The following ANKFN1 variants were observed in gnomAD, a reference collection of about 807,000 sequenced individuals.
The protein encoded by ANKFN1 is ankyrin repeat and fibronectin type-III domain-containing protein 1.
In ANKFN1, 74 loss-of-function variants were observed where a neutral mutation model predicts 108.7. The observed-to-expected ratio is 0.68, with a 90% CI of 0.56 to 0.83. The LOEUF (loss-of-function observed/expected upper bound fraction) is 0.83. Among genes scored for constraint, ANKFN1 ranks in the 40% least tolerant of loss-of-function variants. The probability of loss-of-function intolerance (pLI) is 0.00; values close to 1 mark genes in which losing one functional copy is unlikely to be tolerated. For synonymous variants in ANKFN1, 547 were observed against 516.2 expected, an observed-to-expected ratio of 1.06 and a Z score of -0.81; for missense variants, 1,505 against 1,382.3, an observed-to-expected ratio of 1.09 and a Z score of -1.41.
At chr17:56,455,206 T>A (rs1332772553) in intron 11 of ANKFN1, among the ~76,000 whole-genome samples, 1 of 152,100 alleles carries the variant, frequency 6.6e-6, no homozygotes, top group African/African-American at 2.4e-5. Context: ...TCCTTTCCCA[T>A]CTCTTTGTCT....
intron 2 of ANKFN1, 44 bp from the exon 3 acceptor site, chr17:56,227,873 A>G (rs1345411448): frequency 6.6e-7 from 1 of 1,510,428 alleles, no homozygotes; most frequent in Non-Finnish European, 9.1e-7. Flanking sequence ...TGAATTGATT[A>G]CTGTACAATT....
At chr17:56,058,233 C>T (rs1904914251) in intron 4 of ANKFN1, among the ~76,000 whole-genome samples, 1 of 152,242 alleles carries the variant, frequency 6.6e-6, no homozygotes, top group Middle Eastern at 3.2e-3. Context: ...GACTTCTCCT[C>T]TCTAACTATG....
intron 3 of ANKFN1, among the ~76,000 whole-genome samples, chr17:56,288,746 C>G (rs1244352771): frequency 1.3e-5 from 2 of 152,100 alleles, no homozygotes; most frequent in African/African-American, 2.4e-5. Context: ...AGTAGACTCC[C>G]CAAAAAGGTC....
At chr17:56,370,509 G>A (rs1201758772) in intron 6 of ANKFN1, among the ~76,000 whole-genome samples, 1 of 152,090 alleles carries the variant, frequency 6.6e-6, no homozygotes, top group East Asian at 1.9e-4. Context: ...AAGTGTTGAC[G>A]CATGCATGCA....
At position 56,480,885 on chromosome 17, in the gene ANKFN1, TGG is replaced by T. The variant is rs1165243097; in HGVS notation, c.2091+70_2091+71del. 96 of 1,426,238 alleles carry T rather than the reference TGG, an allele frequency of 6.7e-5. 2 individuals carry two copies. The South Asian group carries it at 1.1e-3, about 16-fold the overall frequency. 88.3% of individuals were successfully genotyped at this position (1,426,238 alleles called of 1,614,324 possible). A position where few individuals can be genotyped will look rare whatever the true frequency, so the allele number is the denominator to read the frequency against. ...ATGGAAACTGCATTGTAACATTAAGTGGGGTGTGTGTGTGTGTGTGTGTGTGT... is the reference window on the plus strand; with the variant it reads ...ATGGAAACTGCATTGTAACATTAAGTGGTGTGTGTGTGTGTGTGTGTGTGT... On this transcript the variant is annotated intron_variant, in intron 17 of 20. Coordinates refer to ENST00000682825, the MANE Select transcript of ANKFN1 (RefSeq NM_001370326.1).
At chr17:56,440,220 T>A (rs1270979401) in intron 8 of ANKFN1, 107 bp from the exon 9 acceptor site, 1 of 518,082 alleles carries the variant, frequency 1.9e-6, no homozygotes, top group Non-Finnish European at 3.4e-6. Context: ...TGCACTTAAC[T>A]CTTTCTGAGA....
At chr17:56,141,923 CT>C (rs34394014) in intron 4 of ANKFN1, among the ~76,000 whole-genome samples, 2,348 of 95,644 alleles carry the variant, frequency 0.025, 9 homozygotes, top group African/African-American at 0.078. Flanking sequence ...CGATGGTGTA[CT>C]TTTTTTTTTT....
At chr17:56,279,456 T>C (rs573817559) in intron 3 of ANKFN1, among the ~76,000 whole-genome samples, 26 of 152,242 alleles carry the variant, frequency 1.7e-4, no homozygotes, top group Non-Finnish European at 3.2e-4. Flanking sequence ...TCAGGCTTCA[T>C]AGAGCTTCTT....
chr17:56,196,035 G>A (rs1005000618), intron 1 of ANKFN1, among the ~76,000 whole-genome samples: 1 of 152,182 alleles, frequency 6.6e-6, no homozygotes, highest in African/African-American at 2.4e-5. Flanking sequence ...GGAAGGCTGA[G>A]GCAGGAGGAT....
chr17:56,155,159 G>A (rs1353010178), intron 1 of ANKFN1, among the ~76,000 whole-genome samples: 1 of 152,162 alleles, frequency 6.6e-6, no homozygotes, highest in Non-Finnish European at 1.5e-5. Flanking sequence ...CTCAGAGACT[G>A]GAAGCTGGAA....
At chr17:56,436,313 A>G (rs2048927254) in intron 8 of ANKFN1, among the ~76,000 whole-genome samples, 1 of 152,208 alleles carries the variant, frequency 6.6e-6, no homozygotes, top group Non-Finnish European at 1.5e-5. Flanking sequence ...CTTTCTTGCT[A>G]ATTTTCAACT....
chr17:56,243,014 T>C (rs1917702992), intron 3 of ANKFN1, among the ~76,000 whole-genome samples: 1 of 152,158 alleles, frequency 6.6e-6, no homozygotes, highest in African/African-American at 2.4e-5. Context: ...TGGCATAAAC[T>C]CTACTTGGTA....
At chr17:56,048,061 G>T (rs1387707606) in intron 4 of ANKFN1, among the ~76,000 whole-genome samples, 2 of 152,124 alleles carry the variant, frequency 1.3e-5, no homozygotes, top group Non-Finnish European at 2.9e-5. Context: ...TGACACGGTT[G>T]TAACTGTGGT....
intron 4 of ANKFN1, among the ~76,000 whole-genome samples, chr17:56,094,648 C>T (rs1385449909): frequency 1.5e-4 from 18 of 117,862 alleles, no homozygotes; most frequent in Admixed American, 7.6e-4. Flanking sequence ...GGACTACAGG[C>T]GCACACCACC....
rs1598276154 is a variant in ANKFN1, at chr17:56,229,717, T to C, written c.53+1760T>C. On this transcript the variant is annotated intron_variant, in intron 3 of 20. Coordinates refer to ENST00000682825, the MANE Select transcript of ANKFN1 (RefSeq NM_001370326.1). ...GGGTTGGGGGGTGGCTATTTTACTTTAGAGGTCTCAGTTTGTGACTGTTTG... is the reference window on the plus strand; with the variant it reads ...GGGTTGGGGGGTGGCTATTTTACTTCAGAGGTCTCAGTTTGTGACTGTTTG... Among the ~76,000 whole-genome samples, 3 of 150,564 alleles carry C rather than the reference T, an allele frequency of 2.0e-5. No homozygotes were observed. In the South Asian group the frequency reaches 6.3e-4, roughly 32 times the overall value.
At chr17:56,123,841 G>C (rs1030993363) in intron 4 of ANKFN1, among the ~76,000 whole-genome samples, 28 of 144,194 alleles carry the variant, frequency 1.9e-4, no homozygotes, top group African/African-American at 5.1e-4. Flanking sequence ...GAGAGACACA[G>C]AGAGAGAGAG....
At chr17:56,412,856 G>T (rs139624176) in intron 8 of ANKFN1, among the ~76,000 whole-genome samples, 1 of 152,040 alleles carries the variant, frequency 6.6e-6, no homozygotes, top group Non-Finnish European at 1.5e-5. Context: ...TCAAATACGC[G>T]TCTATCCTAT....
At chr17:56,133,260 G>T (rs967716980) in intron 4 of ANKFN1, among the ~76,000 whole-genome samples, 1 of 152,142 alleles carries the variant, frequency 6.6e-6, no homozygotes, top group Non-Finnish European at 1.5e-5. Flanking sequence ...CAAGTGAACA[G>T]GTTCATCAAT....
intron 3 of ANKFN1, among the ~76,000 whole-genome samples, chr17:56,228,906 A>G (rs2143917555): frequency 6.6e-6 from 1 of 152,250 alleles, no homozygotes; most frequent in South Asian, 2.1e-4. Flanking sequence ...TCTAGTACCT[A>G]TCAGAATCCA....
Sources: gnomAD v4.1 joint callset for allele counts (sites outside exome capture counted in the v4.1 genomes callset) on GRCh38, gnomAD v4.1.1 for gene constraint, MANE v1.5 for transcripts, NCBI Gene and HGNC (gene_info 2026-07-23, HGNC 2026-07-21) for gene names.